Variants in EXOC5 observed in about 807,000 individuals in gnomAD.
EXOC5 encodes the protein exocyst complex component 5.
A neutral mutation model predicts 90.8 loss-of-function variants in EXOC5; 17 were observed. The observed-to-expected ratio is 0.19, with a 90% CI of 0.13 to 0.28. The LOEUF (loss-of-function observed/expected upper bound fraction) is 0.28. Ranked by LOEUF, EXOC5 falls within the 10% of genes least tolerant of loss-of-function variation. The probability of loss-of-function intolerance (pLI) is 1.00; values close to 1 mark genes in which losing one functional copy is unlikely to be tolerated. For missense variants in EXOC5, 569 were observed against 830.6 expected, an observed-to-expected ratio of 0.69 and a Z score of 3.87; for synonymous variants, 260 against 270.0, an observed-to-expected ratio of 0.96 and a Z score of 0.36.
intron 4 of EXOC5, among the ~76,000 whole-genome samples, chr14:57,240,941 C>T (rs1056839305): frequency 6.6e-6 from 1 of 152,104 alleles, no homozygotes; most frequent in Non-Finnish European, 1.5e-5. Flanking sequence ...CAATCTCCAC[C>T]TCCTGGGTTC....
At position 57,210,029 on chromosome 14, in the gene EXOC5, T is replaced by C. The variant is rs1455049549; in HGVS notation, c.1646A>G (p.His549Arg). Residue 549 changes from histidine (H) to arginine (R), a missense_variant, in exon 16 of 18, where the codon CAT (histidine) becomes CGT (arginine). His to Arg is a conservative substitution (Grantham distance 29). Transcript: ENST00000621441. ...TTTCTTCTGTTCTGCAGCCAAAATATGCTTCATCTGTCCAATCATACAATT... is the reference window on the plus strand; with the variant it reads ...TTTCTTCTGTTCTGCAGCCAAAATACGCTTCATCTGTCCAATCATACAATT... The part of the protein sequence containing the change: ...TLNCMIGQMK[H>R]ILAAEQKKTD... 3 of 1,594,844 alleles carry C rather than the reference T, an allele frequency of 1.9e-6. No homozygotes were observed. Among genetic ancestry groups the C allele is most frequent in the Non-Finnish European group, 2.6e-6 (3 of 1,165,018 alleles).
In EXOC5 at chr14:57,229,830, C is replaced by T; in HGVS notation, c.1200G>A (p.Gly400=). The change falls in exon 12 of 18, where the codon GGG becomes GGA. Residue 400 remains glycine (G), a synonymous_variant. Coordinates refer to ENST00000621441, the MANE Select transcript of EXOC5 (RefSeq NM_006544.4). Reference sequence around the variant, plus strand: ...TCTCCCCATGAGTATCGATACTTGGCCCAAGTGGTAAGTTGGTACGCTGTC... The same window carrying T: ...TCTCCCCATGAGTATCGATACTTGGTCCAAGTGGTAAGTTGGTACGCTGTC... ...RIRQRTNLPL[G]PSIDTHGETF... 2 of 1,524,882 alleles carry T rather than the reference C, an allele frequency of 1.3e-6. No individual in the cohort carries two copies. Among genetic ancestry groups the T allele is most frequent in the Non-Finnish European group, 1.8e-6 (2 of 1,128,302 alleles). The allele number at this position is 1,524,882 out of a possible 1,614,324, so 94.5% of individuals were successfully genotyped here.
intron 15 of EXOC5, among the ~76,000 whole-genome samples, chr14:57,213,452 G>C (rs1383365102): frequency 6.6e-6 from 1 of 151,644 alleles, no homozygotes; most frequent in Non-Finnish European, 1.5e-5. Flanking sequence ...CTGTTACCCA[G>C]TCTGGAGTGC....
At chr14:57,239,938 T>C (rs1377749511) in intron 4 of EXOC5, among the ~76,000 whole-genome samples, 1 of 152,140 alleles carries the variant, frequency 6.6e-6, no homozygotes, top group African/African-American at 2.4e-5. Flanking sequence ...ATGAAACCTG[T>C]AGTTCAAGTT....
intron 1 of EXOC5, among the ~76,000 whole-genome samples, chr14:57,262,262 C>T (rs1167809655): frequency 6.6e-6 from 1 of 152,082 alleles, no homozygotes; most frequent in Admixed American, 6.6e-5. Flanking sequence ...ATCAAAAAAA[C>T]CTTCTGAAGT....
intron 4 of EXOC5, among the ~76,000 whole-genome samples, chr14:57,240,920 T>C (rs541362761): frequency 6.6e-6 from 1 of 152,064 alleles, no homozygotes; most frequent in Non-Finnish European, 1.5e-5. Flanking sequence ...TGGCATGATC[T>C]TGGCTCACTA....
chr14:57,210,780 T>C (rs1453719593), intron 15 of EXOC5, among the ~76,000 whole-genome samples: 1 of 152,170 alleles, frequency 6.6e-6, no homozygotes, highest in Non-Finnish European at 1.5e-5. Flanking sequence ...ATGTCATTCA[T>C]ACAGAGAAAA....
In EXOC5 at chr14:57,202,618, A is replaced by G. The variant is rs1882540694; in HGVS notation, c.*5991T>C. The stretch of plus-strand genomic sequence containing the variant: ...TTATTAGAGTTGATAAAGGAATTCA[A>G]TGTGATATATAACTAAGAAAACATA... On this transcript the variant is annotated 3_prime_UTR_variant, in exon 18 of 18. Coordinates refer to ENST00000621441, the MANE Select transcript of EXOC5 (RefSeq NM_006544.4). 6.6e-6 allele frequency: 1 copy of G among 152,210 alleles called. No individual in the cohort carries two copies. The highest frequency in any genetic ancestry group is 1.5e-5 in the Non-Finnish European group (1 of 68,050). 9.4% of individuals were successfully genotyped at this position (152,210 alleles called of 1,614,324 possible). A position where few individuals can be genotyped will look rare whatever the true frequency, so the allele number is the denominator to read the frequency against.
intron 15 of EXOC5, among the ~76,000 whole-genome samples, chr14:57,212,020 T>C (rs1882843323): frequency 6.6e-6 from 1 of 152,086 alleles, no homozygotes; most frequent in South Asian, 2.1e-4. Context: ...CCAGAACACC[T>C]GTCTAATTCT....
rs1339009533 is a variant in EXOC5 at position 57,205,155 on chromosome 14, G to A, written c.*3454C>T. The A allele has an allele frequency of 6.6e-6, 1 of 151,972 alleles. No individual in the cohort carries two copies. Among genetic ancestry groups the A allele is most frequent in the African/African-American group, 2.4e-5 (1 of 41,416 alleles). The allele number at this position is 151,972 out of a possible 1,614,324, so 9.4% of individuals were successfully genotyped here. ...CAAAGGACTTATTAGCACAGTGTGT[G>A]AGACTTAAATCAATACATGTAACTA... On this transcript the variant is annotated 3_prime_UTR_variant, in exon 18 of 18. Coordinates refer to ENST00000621441, the MANE Select transcript of EXOC5 (RefSeq NM_006544.4).
intron 1 of EXOC5, 82 bp from the exon 2 acceptor site, chr14:57,247,794 T>C: frequency 3.3e-6 from 2 of 612,914 alleles, no homozygotes; most frequent in Non-Finnish European, 5.5e-6. Context: ...CAGCTTCTAC[T>C]AGGTAAAAAC....
chr14:57,240,918 T>G (rs961025758), intron 4 of EXOC5, among the ~76,000 whole-genome samples: 1 of 152,040 alleles, frequency 6.6e-6, no homozygotes, highest in Non-Finnish European at 1.5e-5. Context: ...GGTGGCATGA[T>G]CTTGGCTCAC....
intron 1 of EXOC5, among the ~76,000 whole-genome samples, chr14:57,263,269 G>T (rs1019694299): frequency 1.3e-5 from 2 of 152,094 alleles, no homozygotes; most frequent in Non-Finnish European, 2.9e-5. Flanking sequence ...CCTGGAGTTG[G>T]AGACTAGCCT....
At chr14:57,251,953 C>A (rs1450157202) in intron 1 of EXOC5, among the ~76,000 whole-genome samples, 1 of 151,934 alleles carries the variant, frequency 6.6e-6, no homozygotes, top group Non-Finnish European at 1.5e-5. Flanking sequence ...AATTTGATAA[C>A]CTAGATGAAA....
At chr14:57,268,352 C>G in intron 1 of EXOC5, 1 of 845,570 alleles carries the variant, frequency 1.2e-6, no homozygotes, top group Non-Finnish European at 1.8e-6. Context: ...CCCTCTTGCC[C>G]CCACAAACAA....
intron 3 of EXOC5, among the ~76,000 whole-genome samples, chr14:57,246,088 A>T (rs1651183230): frequency 6.6e-6 from 1 of 152,060 alleles, no homozygotes; most frequent in Non-Finnish European, 1.5e-5. Flanking sequence ...GATAAGGCCC[A>T]GCCTGTGAAT....
intron 4 of EXOC5, among the ~76,000 whole-genome samples, chr14:57,240,083 T>C (rs946616033): frequency 2.0e-5 from 3 of 152,216 alleles, no homozygotes; most frequent in Admixed American, 2.0e-4. Context: ...TATCCTACTG[T>C]AAGTTAAATG....
At chr14:57,212,197 T>C (rs1244494080) in intron 15 of EXOC5, among the ~76,000 whole-genome samples, 1 of 152,186 alleles carries the variant, frequency 6.6e-6, no homozygotes, top group Non-Finnish European at 1.5e-5. Flanking sequence ...TCTTCATTGA[T>C]CTAAAGAAAC....
intron 15 of EXOC5, among the ~76,000 whole-genome samples, chr14:57,215,908 G>A (rs1882957419): frequency 6.6e-6 from 1 of 152,072 alleles, no homozygotes; most frequent in Non-Finnish European, 1.5e-5. Context: ...CAGATGATAT[G>A]ATCTTAGATA....
Sources: allele counts gnomAD v4.1 joint callset (sites outside exome capture counted in the v4.1 genomes callset), GRCh38; gene constraint gnomAD v4.1.1; transcripts MANE v1.5; gene names NCBI Gene and HGNC (gene_info 2026-07-23, HGNC 2026-07-21).